EVC2: variants seen among roughly 807,000 people sequenced by gnomAD.
EVC2 encodes limbin.
A neutral mutation model predicts 149.3 loss-of-function variants in EVC2; 148 were observed. That is an observed-to-expected ratio of 0.99 (90% CI 0.87 to 1.14). The LOEUF (loss-of-function observed/expected upper bound fraction) is 1.14, where lower values mean the gene tolerates loss of function less well. Ranked by LOEUF, EVC2 falls within the 50% of genes most tolerant of loss-of-function variation. The pLI is 0.00. For missense variants in EVC2, 1,854 were observed against 1,627.3 expected (o/e 1.14, Z -2.40); for synonymous variants, 776 against 649.9 (o/e 1.19, Z -2.95).
intron 21 of EVC2, among the ~76,000 whole-genome samples, chr4:5,548,687 T>C (rs527672062): frequency 6.6e-6 from 1 of 152,254 alleles, no homozygotes; most frequent in South Asian, 2.1e-4. Flanking sequence ...GAAATATGAT[T>C]ACAAGGTAAA....
the EVC2 span, among the ~76,000 whole-genome samples, chr4:5,535,531 T>C: frequency 6.6e-6 from 1 of 151,238 alleles, no homozygotes; most frequent in Non-Finnish European, 1.5e-5. This position sits in a 1 kb window ranked among gnomAD's most constrained non-coding sequence, Gnocchi z 4.7. Context: ...GACGGTTATT[T>C]CACACAGTTC....
intron 1 of EVC2, among the ~76,000 whole-genome samples, chr4:5,702,212 C>G (rs1164542702): frequency 6.6e-6 from 1 of 152,172 alleles, no homozygotes; most frequent in African/African-American, 2.4e-5. Flanking sequence ...AGCACCTTCC[C>G]TGCCCATCCT....
chr4:5,548,864 C>T (rs549962373), intron 21 of EVC2, among the ~76,000 whole-genome samples: 3 of 152,276 alleles, frequency 2.0e-5, no homozygotes, highest in East Asian at 1.9e-4. Flanking sequence ...CCTCCAGGGA[C>T]AAGCAGTGCT....
At chr4:5,615,844 T>C (rs1176056829) in intron 15 of EVC2, among the ~76,000 whole-genome samples, 1 of 152,164 alleles carries the variant, frequency 6.6e-6, no homozygotes, top group African/African-American at 2.4e-5. Context: ...ACCTCCTAAC[T>C]AGCCACGGGA....
At chr4:5,692,389 A>G (rs1332309898) in intron 3 of EVC2, among the ~76,000 whole-genome samples, 1 of 152,136 alleles carries the variant, frequency 6.6e-6, no homozygotes, top group Non-Finnish European at 1.5e-5. Context: ...CACTTTACAT[A>G]CATGAGTTCT....
In EVC2 at chr4:5,694,387, G is replaced by A. The variant is rs1330560682; in HGVS notation, c.398C>T (p.Ser133Phe). 2 of 1,614,200 alleles carry A rather than the reference G, an allele frequency of 1.2e-6. No individual in the cohort carries two copies. The highest frequency in any genetic ancestry group is 2.2e-5 in the East Asian group (1 of 44,886). The change falls in exon 3 of 22, where the codon TCC becomes TTC. Residue 133 changes from serine (S) to phenylalanine (F), a missense_variant. Coordinates refer to ENST00000344408, the MANE Select transcript of EVC2 (RefSeq NM_147127.5). ...WAHSLFAFIP[S>F]WPKKNLFKRE... ...TTTAAATAAGTTCTTCTTAGGCCAGGAGGGTATAAAAGCAAATAAGGAATG... is the reference window on the plus strand; with the variant it reads ...TTTAAATAAGTTCTTCTTAGGCCAGAAGGGTATAAAAGCAAATAAGGAATG...
At chr4:5,602,417 T>C (rs1360009901) in intron 16 of EVC2, among the ~76,000 whole-genome samples, 1 of 144,990 alleles carries the variant, frequency 6.9e-6, no homozygotes, top group Non-Finnish European at 1.5e-5. Context: ...AGTTATAAAG[T>C]AGAGAAAAAG....
chr4:5,628,766 G>A (rs772517314), intron 11 of EVC2, 32 bp from the exon 12 acceptor site: 13 of 1,582,692 alleles, frequency 8.2e-6, no homozygotes, highest in Non-Finnish European at 1.1e-5. Context: ...AAGAAAATAT[G>A]CCTAATTAAA....
chr4:5,639,752 T>C (rs140472294), intron 10 of EVC2, among the ~76,000 whole-genome samples: 10 of 152,324 alleles, frequency 6.6e-5, no homozygotes, highest in African/African-American at 2.2e-4. Context: ...CTGTGAACCA[T>C]GCCCTCTACA....
At chr4:5,549,823 T>A (rs1172392033) in intron 21 of EVC2, among the ~76,000 whole-genome samples, 2 of 152,222 alleles carry the variant, frequency 1.3e-5, no homozygotes, top group African/African-American at 4.8e-5. Flanking sequence ...CCCCCAAATC[T>A]AATCTTGAAT....
rs995065729 is a variant in EVC2 at position 5,625,020 on chromosome 4, G to A, written c.2046+729C>T. Among the ~76,000 whole-genome samples the A allele has an allele frequency of 6.6e-6, 1 of 151,932 alleles. No individual in the cohort carries two copies. Among genetic ancestry groups the A allele is most frequent in the African/African-American group, 2.4e-5 (1 of 41,344 alleles). On this transcript the variant is annotated intron_variant, in intron 13 of 21. Coordinates refer to ENST00000344408, the MANE Select transcript of EVC2 (RefSeq NM_147127.5). The surrounding 1 kb of genome is among the most constrained non-coding windows in gnomAD (Gnocchi z 4.0). ...GGCCAAGTACCAGAGCCTCCCATGG[G>A]GTTTGTATTCCCAGGTTCCTCAACT...
chr4:5,637,149 C>T lies in EVC2; in HGVS notation c.1470+3365G>A, dbSNP rs1030888208. ...GACTGCGTGACAGATGGGAGTAGGG[C>T]ACCGACCCAGCATCCTATCCTCATG... On this transcript the variant is annotated intron_variant, in intron 10 of 21. Coordinates refer to ENST00000344408, the MANE Select transcript of EVC2 (RefSeq NM_147127.5). The surrounding 1 kb of genome is among the most constrained non-coding windows in gnomAD (Gnocchi z 4.4). 2.0e-5 allele frequency among the ~76,000 whole-genome samples: 3 copies of T among 152,166 alleles called. No homozygotes were observed. The highest frequency in any genetic ancestry group is 7.2e-5 in the African/African-American group (3 of 41,432).
rs180877224 is a variant in EVC2, at chr4:5,624,696, T to C, written c.2046+1053A>G. On this transcript the variant is annotated intron_variant, in intron 13 of 21. Transcript: ENST00000344408. The stretch of plus-strand genomic sequence containing the variant: ...GGAAATGGAGCCCTGGGCCCCACTG[T>C]TTCCATCCCTTAACCAGTGGCTCAG... Among the ~76,000 whole-genome samples the C allele has an allele frequency of 3.5e-3, 531 of 152,270 alleles. 4 individuals carry two copies. Among genetic ancestry groups the C allele is most frequent in the African/African-American group, 0.012 (511 of 41,556 alleles).
chr4:5,688,162 G>T (rs1021086386), intron 5 of EVC2, among the ~76,000 whole-genome samples: 7 of 152,146 alleles, frequency 4.6e-5, no homozygotes, highest in African/African-American at 1.4e-4. Flanking sequence ...CCAGCAAAAA[G>T]GTCACTACTT....
intron 6 of EVC2, among the ~76,000 whole-genome samples, chr4:5,682,773 C>A (rs1002084280): frequency 6.7e-6 from 1 of 149,766 alleles, no homozygotes. Context: ...AGAGGAGAAT[C>A]GCTTGAACCT....
At chr4:5,665,152 A>T (rs1020177353) in intron 8 of EVC2, among the ~76,000 whole-genome samples, 3 of 152,032 alleles carry the variant, frequency 2.0e-5, no homozygotes, top group Non-Finnish European at 2.9e-5. Context: ...TAGAAGTTTT[A>T]AAAATGACTA....
chr4:5,553,667 A>C (rs1177785200), intron 21 of EVC2, among the ~76,000 whole-genome samples: 1 of 152,210 alleles, frequency 6.6e-6, no homozygotes, highest in African/African-American at 2.4e-5. Flanking sequence ...CAACTCTGTC[A>C]ATATACTAAA....
intron 11 of EVC2, among the ~76,000 whole-genome samples, chr4:5,630,293 C>A (rs1716438018): frequency 6.6e-6 from 1 of 152,194 alleles, no homozygotes; most frequent in Non-Finnish European, 1.5e-5. Context: ...TGCAGGTCCC[C>A]AGAGGATGGG....
chr4:5,572,686 A>G (rs1426205780), intron 19 of EVC2, among the ~76,000 whole-genome samples: 2 of 152,194 alleles, frequency 1.3e-5, no homozygotes, highest in African/African-American at 4.8e-5. Context: ...GCAGAAACAG[A>G]CTGAGATGCA....
Sources: allele counts gnomAD v4.1 joint callset (sites outside exome capture counted in the v4.1 genomes callset), GRCh38; gene constraint gnomAD v4.1.1; non-coding constraint Gnocchi (gnomAD v3.1); transcripts MANE v1.5; gene names NCBI Gene and HGNC (gene_info 2026-07-23, HGNC 2026-07-21).